ADGRG5: variants seen among roughly 807,000 people sequenced by gnomAD.
The protein encoded by ADGRG5 is G protein-coupled receptor 114.
In ADGRG5, 37 loss-of-function variants were observed where a neutral mutation model predicts 53.2. That is an observed-to-expected ratio of 0.70 (90% CI 0.53 to 0.91). ADGRG5 has a LOEUF of 0.91. Ranked by LOEUF, ADGRG5 falls within the 40% of genes least tolerant of loss-of-function variation. The probability of loss-of-function intolerance (pLI) is 0.00; values close to 1 mark genes in which losing one functional copy is unlikely to be tolerated. For missense variants in ADGRG5, 614 were observed against 675.8 expected (o/e 0.91, Z 1.01); for synonymous variants, 277 against 290.4 (o/e 0.95, Z 0.47).
intron 4 of ADGRG5, 141 bp downstream of exon 4, chr16:57,563,388 A>G: frequency 1.4e-6 from 1 of 719,588 alleles, no homozygotes; most frequent in East Asian, 2.7e-5. Flanking sequence ...ACTGGCAGTG[A>G]GTTGCCTCCT....
At chr16:57,531,969 G>A in the ADGRG5 span, among the ~76,000 whole-genome samples, 1 of 152,142 alleles carries the variant, frequency 6.6e-6, no homozygotes, top group Non-Finnish European at 1.5e-5. Flanking sequence ...CAGCGACCCC[G>A]CTGCATTTCT....
chr16:57,536,650 C>T, the ADGRG5 span: 50,760 of 151,636 alleles, frequency 0.33, 8,561 homozygotes, highest in East Asian at 0.46. Context: ...GGGGGAGCGG[C>T]GGGGCCCCCG....
chr16:57,543,490 TCAGG>T (rs1466202758), intron 1 of ADGRG5, among the ~76,000 whole-genome samples: 4 of 152,024 alleles, frequency 2.6e-5, no homozygotes, highest in Non-Finnish European at 5.9e-5. Context: ...GCCACTTTGG[TCAGG>T]CTGGTCTCGG....
At chr16:57,531,517 T>A in the ADGRG5 span, among the ~76,000 whole-genome samples, 93 of 152,170 alleles carry the variant, frequency 6.1e-4, no homozygotes, top group Non-Finnish European at 1.2e-3. Context: ...TTCACCTCCT[T>A]CAAATCCATT....
intron 9 of ADGRG5, among the ~76,000 whole-genome samples, chr16:57,569,882 T>C (rs1171176169): frequency 6.7e-6 from 1 of 148,666 alleles, no homozygotes; most frequent in African/African-American, 2.5e-5. Flanking sequence ...ACCTCTGTCA[T>C]CACCATCATC....
chr16:57,545,906 A>C (rs762765331), intron 1 of ADGRG5, among the ~76,000 whole-genome samples: 2 of 151,800 alleles, frequency 1.3e-5, no homozygotes, highest in Non-Finnish European at 2.9e-5. Context: ...GCTAACTGCA[A>C]CCTCTGCCTC....
intron 1 of ADGRG5, among the ~76,000 whole-genome samples, chr16:57,548,256 T>G (rs1164841301): frequency 5.9e-5 from 9 of 152,082 alleles, no homozygotes; most frequent in African/African-American, 2.2e-4. Flanking sequence ...ACTTTTAATT[T>G]TGAGAAAATT....
At position 57,570,411 on chromosome 16, in the gene ADGRG5, C is replaced by A; in HGVS notation, c.1091-7C>A. The stretch of plus-strand genomic sequence containing the variant: ...CACATCTCCTGAGCCTTTGTCCCAC[C>A]CCTCAGGGGCCCCAGCCCTCCTGGT... On this transcript the variant is annotated splice_region_variant and splice_polypyrimidine_tract_variant and intron_variant, in intron 9 of 11. Transcript: ENST00000349457. The A allele has an allele frequency of 6.2e-7, 1 of 1,601,828 alleles. No individual in the cohort carries two copies. The highest frequency in any genetic ancestry group is 8.5e-7 in the Non-Finnish European group (1 of 1,171,530).
chr16:57,532,616 G>T, the ADGRG5 span, among the ~76,000 whole-genome samples: 10 of 151,860 alleles, frequency 6.6e-5, no homozygotes, highest in Non-Finnish European at 1.5e-4. Context: ...ACACAGACAC[G>T]CCTGAAGACA....
intron 5 of ADGRG5, among the ~76,000 whole-genome samples, 185 bp downstream of exon 5, chr16:57,564,164 T>C (rs904813470): frequency 3.4e-4 from 52 of 152,302 alleles, no homozygotes; most frequent in African/African-American, 1.2e-3. Context: ...TTTAGCAGAA[T>C]GGTAGGAAGG....
intron 1 of ADGRG5, among the ~76,000 whole-genome samples, chr16:57,545,205 C>T (rs1598090626): frequency 2.0e-5 from 3 of 152,066 alleles, no homozygotes; most frequent in African/African-American, 7.2e-5. Flanking sequence ...GTCTCTATTT[C>T]GTATTAAAAA....
rs1304674751 is a variant in ADGRG5 at position 57,575,871 on chromosome 16, A to G, written c.*333A>G. The G allele has an allele frequency of 7.0e-6, 2 of 285,666 alleles. No individual in the cohort carries two copies. Among genetic ancestry groups the G allele is most frequent in the Non-Finnish European group, 1.4e-5 (2 of 145,266 alleles). 17.7% of individuals were successfully genotyped at this position (285,666 alleles called of 1,614,324 possible). ...AAGGACTGTCTTTGAGTCTGTCTGT[A>G]TGACCTTGGGCCTGCCACTTCTCAC... On this transcript the variant is annotated 3_prime_UTR_variant, in exon 12 of 12. Transcript: ENST00000349457.
chr16:57,567,743 T>A, intron 8 of ADGRG5, 113 bp from the exon 9 acceptor site: 2 of 1,426,404 alleles, frequency 1.4e-6, no homozygotes, highest in Admixed American at 3.9e-5. Flanking sequence ...TGCTGTGGGA[T>A]CCCTGCCCCT....
intron 9 of ADGRG5, among the ~76,000 whole-genome samples, chr16:57,569,668 T>G (rs374529549): frequency 1.4e-5 from 2 of 148,130 alleles, no homozygotes; most frequent in Non-Finnish European, 3.0e-5. Flanking sequence ...CTCCTCCATC[T>G]CCTCCACCTC....
rs1228597652 is a variant in ADGRG5 at position 57,575,054 on chromosome 16, C to T, written c.1448C>T (p.Pro483Leu). The change falls in exon 11 of 12, where the codon CCC (proline) becomes CTC (leucine). Residue 483 changes from proline to leucine, a missense_variant. Pro to Leu is a moderately conservative substitution (Grantham distance 98). Coordinates refer to ENST00000349457, the MANE Select transcript of ADGRG5 (RefSeq NM_001304376.3). ...AFFSFGVFLL[P>L]QLFLFTILNS... Reference sequence around the variant, plus strand: ...TTTTCTTTTGGCGTCTTCCTGCTGCCCCAGCTGTTCCTCTTCACCATCTTA... The same window carrying T: ...TTTTCTTTTGGCGTCTTCCTGCTGCTCCAGCTGTTCCTCTTCACCATCTTA... 3.7e-6 allele frequency: 6 copies of T among 1,613,850 alleles called. No individual in the cohort carries two copies. In the Admixed American group the frequency reaches 1.0e-4, roughly 27 times the overall value.
chr16:57,532,302 C>A, the ADGRG5 span, among the ~76,000 whole-genome samples: 1 of 152,148 alleles, frequency 6.6e-6, no homozygotes, highest in Non-Finnish European at 1.5e-5. Flanking sequence ...AACATGTACA[C>A]CCCGACCCTG....
In ADGRG5 at chr16:57,570,530, GT is replaced by G; in HGVS notation, c.1204del (p.Ser402ProfsTer90). Reference sequence around the variant, plus strand: ...AGAATGGCACAGGCTTCCAGAACATGTCCATGTGAGTGCCCTCAGGGCTGCA... The same window carrying G: ...AGAATGGCACAGGCTTCCAGAACATGCCATGTGAGTGCCCTCAGGGCTGCA... ...WENGTGFQNM[S>X]ICWVRSPVVH... On this transcript the variant is annotated frameshift_variant, in exon 10 of 12. Transcript: ENST00000349457. LOFTEE classifies it high-confidence loss of function. 6.2e-7 allele frequency: 1 copy of G among 1,609,760 alleles called. No individual in the cohort carries two copies. Among genetic ancestry groups the G allele is most frequent in the Non-Finnish European group, 8.5e-7 (1 of 1,176,732 alleles).
chr16:57,568,072 C>T lies in ADGRG5; in HGVS notation c.1038C>T (p.Val346=), dbSNP rs768739200. ...GFNLYLLLGR[V]YNIYIRRYVF... is the part of the protein sequence containing the mutation. Reference sequence around the variant, plus strand: ...ACCTCTACCTCCTCCTCGGGCGTGTCTACAACATCTACATCCGCAGATATG... The same window carrying T: ...ACCTCTACCTCCTCCTCGGGCGTGTTTACAACATCTACATCCGCAGATATG... The change falls in exon 9 of 12, where the codon GTC becomes GTT. Residue 346 remains valine, a synonymous_variant. Coordinates refer to ENST00000349457, the MANE Select transcript of ADGRG5 (RefSeq NM_001304376.3). The T allele has an allele frequency of 3.1e-6, 5 of 1,614,044 alleles. No individual in the cohort carries two copies. Among genetic ancestry groups the T allele is most frequent in the Non-Finnish European group, 4.2e-6 (5 of 1,179,950 alleles).
Position 57,567,570 on chromosome 16 carries a change from T to C in ADGRG5, c.800T>C (p.Val267Ala). The change falls in exon 8 of 12, where the codon GTC becomes GCC. Residue 267 changes from valine (V) to alanine (A), a missense_variant. Physicochemically the swap from Val to Ala is moderately conservative, Grantham distance 64 (BLOSUM62 0). Transcript: ENST00000349457. ...TCCATCGTGGCCTCGCTGATCACAGTCCTGCTGCACTTCCATTTCAGGTAT... is the reference window on the plus strand; with the variant it reads ...TCCATCGTGGCCTCGCTGATCACAGCCCTGCTGCACTTCCATTTCAGGTAT... Reference protein sequence around the residue: ...SISIVASLITVLLHFHFRKQS... With the variant: ...SISIVASLITALLHFHFRKQS... 1 of 1,611,340 alleles carries C rather than the reference T, an allele frequency of 6.2e-7. No homozygotes were observed. Among genetic ancestry groups the C allele is most frequent in the South Asian group, 1.1e-5 (1 of 91,078 alleles).
Sources: gnomAD v4.1 joint callset for allele counts (sites outside exome capture counted in the v4.1 genomes callset) on GRCh38, gnomAD v4.1.1 for gene constraint, MANE v1.5 for transcripts, NCBI Gene and HGNC (gene_info 2026-07-23, HGNC 2026-07-21) for gene names.